DCHS2: variants seen among roughly 807,000 people sequenced by gnomAD.
The protein encoded by DCHS2 is protocadherin-23.
In DCHS2, 142 loss-of-function variants were observed where a neutral mutation model predicts 182.4. The observed-to-expected ratio is 0.78, with a 90% CI of 0.68 to 0.89. The LOEUF (loss-of-function observed/expected upper bound fraction) is 0.89, where lower values mean the gene tolerates loss of function less well. DCHS2 is among the 40% of genes least tolerant of loss of function. DCHS2 has a pLI of 0.00. For missense variants in DCHS2, 4,319 were observed against 4,198.6 expected, an observed-to-expected ratio of 1.03 and a Z score of -0.79; for synonymous variants, 1,740 against 1,663.3, an observed-to-expected ratio of 1.05 and a Z score of -1.12.
intron 1 of DCHS2, among the ~76,000 whole-genome samples, chr4:154,452,394 C>T (rs1347712614): frequency 3.9e-5 from 6 of 151,954 alleles, no homozygotes; most frequent in African/African-American, 2.4e-5. Flanking sequence ...GAGGCCCAGG[C>T]GGGTGGATCG....
chr4:154,426,201 T>A (rs1248849046), intron 1 of DCHS2, among the ~76,000 whole-genome samples: 1 of 152,138 alleles, frequency 6.6e-6, no homozygotes, highest in Non-Finnish European at 1.5e-5. Flanking sequence ...AGTCCTTGAG[T>A]GACTAACAGG....
chr4:154,319,722 T>C (rs867704381), intron 9 of DCHS2, among the ~76,000 whole-genome samples: 10 of 150,140 alleles, frequency 6.7e-5, no homozygotes, highest in African/African-American at 2.4e-4. Flanking sequence ...TTGGAACCCT[T>C]GTATACTGTT....
chr4:154,280,897 G>C (rs554904440), intron 13 of DCHS2, among the ~76,000 whole-genome samples: 2 of 151,114 alleles, frequency 1.3e-5, no homozygotes, highest in Non-Finnish European at 2.9e-5. Context: ...GCATGATCTC[G>C]GTTCACTGCA....
intron 3 of DCHS2, among the ~76,000 whole-genome samples, chr4:154,347,452 C>T (rs533686129): frequency 2.6e-5 from 4 of 151,650 alleles, no homozygotes; most frequent in Middle Eastern, 3.4e-3. Context: ...CTGTTTATCA[C>T]TTTAAACAGA....
intron 1 of DCHS2, among the ~76,000 whole-genome samples, chr4:154,392,331 G>A (rs933826300): frequency 2.0e-5 from 3 of 152,120 alleles, no homozygotes; most frequent in Admixed American, 6.5e-5. Flanking sequence ...GAGATACCCA[G>A]AATTTATGCA....
chr4:154,382,844 A>G (rs918837216), intron 1 of DCHS2, among the ~76,000 whole-genome samples: 8 of 152,186 alleles, frequency 5.3e-5, no homozygotes, highest in African/African-American at 1.9e-4. Flanking sequence ...AAGTCAAAAA[A>G]TAACAGATGC....
chr4:154,393,786 C>T (rs1236811303), intron 1 of DCHS2, among the ~76,000 whole-genome samples: 1 of 152,178 alleles, frequency 6.6e-6, no homozygotes, highest in East Asian at 1.9e-4. Context: ...TGTCCAAAGA[C>T]TCCCAGAATT....
intron 1 of DCHS2, among the ~76,000 whole-genome samples, chr4:154,444,580 C>T (rs1477025204): frequency 6.6e-6 from 1 of 152,216 alleles, no homozygotes; most frequent in Non-Finnish European, 1.5e-5. Flanking sequence ...ACCTGCATTA[C>T]TGCAACAGCC....
In DCHS2 at chr4:154,333,215, A is replaced by T; in HGVS notation, c.2993T>A (p.Leu998Ter). 6.2e-7 allele frequency: 1 copy of T among 1,614,204 alleles called. No individual in the cohort carries two copies. The highest frequency in any genetic ancestry group is 8.5e-7 in the Non-Finnish European group (1 of 1,180,028). ...ISQTTPPGTA[L>*]YLARAEDRDS... Reference sequence around the variant, plus strand: ...TCTGTCTTCCGCACGTGCGAGGTACAAGGCTGTGCCAGGGGGCGTGGTCTG... The same window carrying T: ...TCTGTCTTCCGCACGTGCGAGGTACTAGGCTGTGCCAGGGGGCGTGGTCTG... The change falls in exon 5 of 20, where the codon TTG becomes TAG. Residue 998 changes from leucine (L) to a stop codon, truncating the protein, a stop_gained. Transcript: ENST00000357232. LOFTEE classifies it high-confidence loss of function.
intron 13 of DCHS2, among the ~76,000 whole-genome samples, chr4:154,276,849 C>A (rs1034831324): frequency 3.3e-5 from 5 of 152,184 alleles, no homozygotes; most frequent in African/African-American, 1.2e-4. Context: ...AGATTGTAGA[C>A]ATTGCATTTA....
At chr4:154,469,757 C>T (rs773418808) in intron 1 of DCHS2, among the ~76,000 whole-genome samples, 1 of 152,132 alleles carries the variant, frequency 6.6e-6, no homozygotes, top group Non-Finnish European at 1.5e-5. Flanking sequence ...TTTTCACCTT[C>T]GAAGTCATTC....
intron 12 of DCHS2, among the ~76,000 whole-genome samples, chr4:154,302,968 CCCACACACACACAT>C (rs1335388927): frequency 5.2e-4 from 5 of 9,554 alleles, no homozygotes; most frequent in South Asian, 5.3e-3. Flanking sequence ...CACACACACA[CCCACACACACACAT>C]ATTTTTTTTT....
intron 13 of DCHS2, among the ~76,000 whole-genome samples, chr4:154,287,031 G>A (rs561152883): frequency 7.6e-4 from 115 of 152,246 alleles, no homozygotes; most frequent in Middle Eastern, 3.4e-3. Flanking sequence ...AAACCTTACA[G>A]GAAAAGAGAG....
At chr4:154,446,005 A>G (rs773174631) in intron 1 of DCHS2, among the ~76,000 whole-genome samples, 9 of 152,188 alleles carry the variant, frequency 5.9e-5, no homozygotes, top group Non-Finnish European at 1.0e-4. Flanking sequence ...AATTTATAGA[A>G]GATGAGAATA....
At chr4:154,479,084 C>T (rs575710089) in intron 1 of DCHS2, among the ~76,000 whole-genome samples, 33 of 151,998 alleles carry the variant, frequency 2.2e-4, no homozygotes, top group Non-Finnish European at 4.4e-4. Flanking sequence ...GGAAGACACT[C>T]TTGTAATGAA....
At chr4:154,272,832 TTTTAA>T (rs1434201130) in intron 13 of DCHS2, among the ~76,000 whole-genome samples, 1 of 152,152 alleles carries the variant, frequency 6.6e-6, no homozygotes, top group African/African-American at 2.4e-5. Flanking sequence ...CTTACAGTGG[TTTTAA>T]TTTAATTTAT....
At position 154,269,967 on chromosome 4, in the gene DCHS2, C is replaced by T; in HGVS notation, c.6510G>A (p.Gln2170=). The change falls in exon 14 of 20, where the codon CAG becomes CAA. Residue 2170 remains glutamine, a synonymous_variant. Coordinates refer to ENST00000357232, the MANE Select transcript of DCHS2 (RefSeq NM_001358235.2). ...TVKAFAPDSI[Q]DSMKYSIFSG... ...TAAAAATTGAATATTTCATGCTGTC[C>T]TGAATTGAGTCAGGAGCAAAAGCTT... 1 of 1,612,100 alleles carries T rather than the reference C, an allele frequency of 6.2e-7. No individual in the cohort carries two copies. Among genetic ancestry groups the T allele is most frequent in the Non-Finnish European group, 8.5e-7 (1 of 1,179,096 alleles).
intron 2 of DCHS2, among the ~76,000 whole-genome samples, chr4:154,371,008 C>A (rs528212903): frequency 5.4e-4 from 82 of 152,124 alleles, no homozygotes; most frequent in Admixed American, 5.2e-3. Flanking sequence ...ATGCTTGAAG[C>A]CAAGATATCA....
intron 1 of DCHS2, among the ~76,000 whole-genome samples, chr4:154,392,121 G>C (rs751507248): frequency 1.3e-5 from 2 of 152,120 alleles, no homozygotes; most frequent in Non-Finnish European, 2.9e-5. Context: ...TGATTGTTAA[G>C]GGCCAGCCTC....
Sources: allele counts gnomAD v4.1 joint callset (sites outside exome capture counted in the v4.1 genomes callset), GRCh38; gene constraint gnomAD v4.1.1; transcripts MANE v1.5; gene names NCBI Gene and HGNC (gene_info 2026-07-23, HGNC 2026-07-21).